The following CDH12 variants were observed in gnomAD, a reference collection of about 807,000 sequenced individuals.
CDH12 encodes the protein cadherin 12, also known as cadherin-12.
A neutral mutation model predicts 74.1 loss-of-function variants in CDH12; 41 were observed. The ratio of observed to expected loss-of-function variants is 0.55; its 90% CI spans 0.43 to 0.72. The LOEUF is 0.72. Ranked by LOEUF, CDH12 falls within the 30% of genes least tolerant of loss-of-function variation. The probability of loss-of-function intolerance (pLI) is 0.00; values close to 1 mark genes in which losing one functional copy is unlikely to be tolerated. For missense variants in CDH12, 945 were observed against 977.2 expected (o/e 0.97, Z 0.44); for synonymous variants, 399 against 355.0 (o/e 1.12, Z -1.39).
intron 1 of CDH12, among the ~76,000 whole-genome samples, chr5:22,560,940 G>C (rs543443137): frequency 6.6e-6 from 1 of 152,122 alleles, no homozygotes; most frequent in African/African-American, 2.4e-5. Flanking sequence ...AGAAGGTTGG[G>C]ACTACTTAAT....
chr5:22,352,090 G>C (rs948146425), intron 3 of CDH12, among the ~76,000 whole-genome samples: 1 of 149,714 alleles, frequency 6.7e-6, no homozygotes, highest in Non-Finnish European at 1.5e-5. Context: ...AATATTTAAA[G>C]CTCTATTAAG....
At chr5:21,787,282 C>T (rs1746247796) in intron 10 of CDH12, among the ~76,000 whole-genome samples, 1 of 152,010 alleles carries the variant, frequency 6.6e-6, no homozygotes, top group African/African-American at 2.4e-5. Flanking sequence ...TAAGAAATTG[C>T]CCTAGCTACC....
intron 1 of CDH12, among the ~76,000 whole-genome samples, chr5:22,507,976 T>G (rs1736454900): frequency 6.6e-6 from 1 of 152,214 alleles, no homozygotes; most frequent in African/African-American, 2.4e-5. Flanking sequence ...TCCTCCTCCT[T>G]TACATTGCCT....
intron 2 of CDH12, among the ~76,000 whole-genome samples, chr5:22,461,891 G>T (rs774298405): frequency 2.6e-5 from 4 of 151,426 alleles, no homozygotes; most frequent in African/African-American, 9.7e-5. Context: ...GTGAGGAAAA[G>T]GTATTCAATC....
chr5:21,788,923 T>C (rs1579704016), intron 10 of CDH12, among the ~76,000 whole-genome samples: 1 of 152,166 alleles, frequency 6.6e-6, no homozygotes, highest in African/African-American at 2.4e-5. Flanking sequence ...ATTTTATTTT[T>C]AGGTTTTCTA....
chr5:21,955,196 C>G (rs1756040452), intron 6 of CDH12, among the ~76,000 whole-genome samples: 1 of 151,678 alleles, frequency 6.6e-6, no homozygotes, highest in Admixed American at 6.6e-5. Context: ...TAGGCACTTG[C>G]AAATGTCAGA....
At chr5:22,341,798 C>T (rs905994663) in intron 3 of CDH12, among the ~76,000 whole-genome samples, 2 of 152,076 alleles carry the variant, frequency 1.3e-5, no homozygotes, top group Admixed American at 6.6e-5. Flanking sequence ...AACCAAGAAC[C>T]AAAATCCAGG....
rs537607461 is a variant in CDH12 at position 22,785,487 on chromosome 5, A to G, written c.-523+67571T>C. Among the ~76,000 whole-genome samples, 4 of 151,986 alleles carry G rather than the reference A, an allele frequency of 2.6e-5. No individual in the cohort carries two copies. In the South Asian group the frequency reaches 8.3e-4, roughly 32 times the overall value. On this transcript the variant is annotated intron_variant, in intron 1 of 14. Transcript: ENST00000382254. Reference sequence around the variant, plus strand: ...AATAATTCTTACCCAATTATTACCTATTTTCTGTTATGTTTTGTTGTTGGT... The same window carrying G: ...AATAATTCTTACCCAATTATTACCTGTTTTCTGTTATGTTTTGTTGTTGGT...
chr5:22,475,657 T>A (rs1746136507), intron 2 of CDH12, among the ~76,000 whole-genome samples: 1 of 151,976 alleles, frequency 6.6e-6, no homozygotes, highest in African/African-American at 2.4e-5. Flanking sequence ...ATCACTAGAC[T>A]TCTTTCCTTT....
chr5:22,724,207 T>A (rs1199197721), intron 1 of CDH12, among the ~76,000 whole-genome samples: 1 of 151,680 alleles, frequency 6.6e-6, no homozygotes. Context: ...GTCATTAAAT[T>A]TTTTTAAAGA....
chr5:22,425,101 GA>G (rs1337325918), intron 2 of CDH12, among the ~76,000 whole-genome samples: 54 of 135,096 alleles, frequency 4.0e-4, no homozygotes, highest in African/African-American at 1.5e-3. Flanking sequence ...GAGAGAGAGA[GA>G]ATTTTTACAT....
chr5:22,562,667 G>A (rs1338568525), intron 1 of CDH12, among the ~76,000 whole-genome samples: 1 of 151,516 alleles, frequency 6.6e-6, no homozygotes, highest in Admixed American at 6.6e-5. Context: ...ACAGAAGGAA[G>A]ATGAGTCAGT....
rs138566495 is a variant in CDH12 at position 22,621,079 on chromosome 5, T to C, written c.-522-115715A>G. Among the ~76,000 whole-genome samples, 286 of 152,306 alleles carry C rather than the reference T, an allele frequency of 1.9e-3. 1 individual carries two copies. Among genetic ancestry groups the C allele is most frequent in the African/African-American group, 6.5e-3 (272 of 41,568 alleles). ...CTAGAGGTTCTAAGAGAACATCTTT[T>C]TCCTTGACTTTGCCAGTTTCTAGAG... is the stretch of plus-strand genomic sequence containing the variant. On this transcript the variant is annotated intron_variant, in intron 1 of 14. Transcript: ENST00000382254.
intron 1 of CDH12, among the ~76,000 whole-genome samples, chr5:22,606,086 T>A (rs1319302664): frequency 6.6e-6 from 1 of 152,138 alleles, no homozygotes; most frequent in Non-Finnish European, 1.5e-5. Flanking sequence ...GCCTCAAAGT[T>A]GAGGAAGGAA....
intron 5 of CDH12, among the ~76,000 whole-genome samples, chr5:21,992,921 A>T (rs1275303231): frequency 6.6e-6 from 1 of 152,174 alleles, no homozygotes; most frequent in Non-Finnish European, 1.5e-5. Flanking sequence ...GAGGCCTCAG[A>T]AAACTTACAA....
intron 3 of CDH12, among the ~76,000 whole-genome samples, chr5:22,291,328 C>G (rs1055459173): frequency 6.6e-6 from 1 of 152,114 alleles, no homozygotes; most frequent in Non-Finnish European, 1.5e-5. Flanking sequence ...CTTGCCATTT[C>G]TATTCATTAT....
At position 22,127,492 on chromosome 5, in the gene CDH12, A is replaced by AC. The variant is rs1355031377; in HGVS notation, c.-186-48631_-186-48630insG. The stretch of plus-strand genomic sequence containing the variant: ...AACTCCATCTCGAAAAAAAAAAAAA[A>AC]AAGAGAAAAGTAGGTGAAAAGAAGT... On this transcript the variant is annotated intron_variant, in intron 4 of 14. Coordinates refer to ENST00000382254, the MANE Select transcript of CDH12 (RefSeq NM_004061.5). 2.6e-4 allele frequency among the ~76,000 whole-genome samples: 30 copies of AC among 117,604 alleles called. 1 individual carries two copies. The Admixed American group carries it at 2.6e-3, about 10-fold the overall frequency. The allele number at this position is 117,604 out of a possible 152,430, so 77.2% of individuals were successfully genotyped here.
chr5:22,668,351 T>G (rs1404387223), intron 1 of CDH12, among the ~76,000 whole-genome samples: 1 of 152,190 alleles, frequency 6.6e-6, no homozygotes, highest in Admixed American at 6.5e-5. Context: ...AAATAAAAAA[T>G]TAAAAGGAAT....
intron 4 of CDH12, among the ~76,000 whole-genome samples, chr5:22,150,537 CACAT>C (rs757825275): frequency 6.6e-6 from 1 of 151,102 alleles, no homozygotes; most frequent in Non-Finnish European, 1.5e-5. Context: ...CACACACACA[CACAT>C]ATATATATAT....
Sources: allele counts gnomAD v4.1 joint callset (sites outside exome capture counted in the v4.1 genomes callset), GRCh38; gene constraint gnomAD v4.1.1; transcripts MANE v1.5; gene names NCBI Gene and HGNC (gene_info 2026-07-23, HGNC 2026-07-21).